The following SLC24A2 variants were observed in gnomAD, a reference collection of about 807,000 sequenced individuals.
SLC24A2 encodes solute carrier family 24 member 2, also known as sodium/potassium/calcium exchanger 2.
Under a neutral mutation model 62.0 loss-of-function variants are expected in SLC24A2, and 36 were observed. The ratio of observed to expected loss-of-function variants is 0.58; its 90% CI spans 0.44 to 0.77. SLC24A2 has a LOEUF of 0.77. Among genes scored for constraint, SLC24A2 ranks in the 30% least tolerant of loss-of-function variants. SLC24A2 has a pLI of 0.00. For synonymous variants in SLC24A2, 358 were observed against 294.0 expected, an observed-to-expected ratio of 1.22 and a Z score of -2.23; for missense variants, 846 against 817.9, an observed-to-expected ratio of 1.03 and a Z score of -0.42.
intron 2 of SLC24A2, among the ~76,000 whole-genome samples, chr9:19,709,520 G>T (rs529956117): frequency 6.6e-6 from 1 of 151,824 alleles, no homozygotes; most frequent in East Asian, 1.9e-4. Context: ...GTCCAACAAC[G>T]ATAGACTGGA....
chr9:19,528,915 G>A (rs1833558742), intron 8 of SLC24A2, among the ~76,000 whole-genome samples: 1 of 152,072 alleles, frequency 6.6e-6, no homozygotes, highest in Non-Finnish European at 1.5e-5. Context: ...GCTATCTCAG[G>A]CATAAAGTGT....
the SLC24A2 span, among the ~76,000 whole-genome samples, chr9:20,233,560 T>C: frequency 6.6e-6 from 1 of 152,210 alleles, no homozygotes; most frequent in Non-Finnish European, 1.5e-5. Flanking sequence ...CCTGCCTTTT[T>C]TTGTTTTCCG....
At chr9:19,805,512 G>T in the SLC24A2 span, among the ~76,000 whole-genome samples, 2 of 152,156 alleles carry the variant, frequency 1.3e-5, no homozygotes, top group South Asian at 2.1e-4. Context: ...GGTTGATTCT[G>T]TTGGACTATG....
At chr9:20,295,527 G>C in the SLC24A2 span, among the ~76,000 whole-genome samples, 619 of 152,324 alleles carry the variant, frequency 4.1e-3, 6 homozygotes, top group African/African-American at 0.014. Context: ...ATTAGTGTGT[G>C]AGTGTGAATG....
At chr9:20,196,784 T>C in the SLC24A2 span, among the ~76,000 whole-genome samples, 1 of 152,212 alleles carries the variant, frequency 6.6e-6, no homozygotes, top group African/African-American at 2.4e-5. Flanking sequence ...TGTGGAAAAG[T>C]TGAAAACATG....
the SLC24A2 span, among the ~76,000 whole-genome samples, chr9:19,966,258 TTCTC>T: frequency 2.0e-5 from 3 of 152,336 alleles, no homozygotes; most frequent in African/African-American, 4.8e-5. Flanking sequence ...AGCGTGGTAT[TTCTC>T]TCTACTTCCC....
chr9:19,788,249 C>A (rs970518688), intron 1 of SLC24A2, among the ~76,000 whole-genome samples: 1 of 152,196 alleles, frequency 6.6e-6, no homozygotes, highest in African/African-American at 2.4e-5. Context: ...CAGGTGGCTG[C>A]GAACGTCAAC....
chr9:19,861,037 C>A, the SLC24A2 span, among the ~76,000 whole-genome samples: 12 of 152,174 alleles, frequency 7.9e-5, no homozygotes, highest in Non-Finnish European at 1.8e-4. Context: ...GGAGATAGGC[C>A]TGGCTGGCTT....
the SLC24A2 span, among the ~76,000 whole-genome samples, chr9:20,008,574 T>C: frequency 6.6e-6 from 1 of 152,172 alleles, no homozygotes; most frequent in Non-Finnish European, 1.5e-5. Flanking sequence ...TTCTGCTTCC[T>C]GTACTGGTGC....
intron 4 of SLC24A2, among the ~76,000 whole-genome samples, chr9:19,614,566 T>A (rs975035826): frequency 6.6e-6 from 1 of 152,202 alleles, no homozygotes; most frequent in Non-Finnish European, 1.5e-5. Flanking sequence ...AAGTGAAGTC[T>A]AATTTTGTCC....
chr9:19,744,674 G>A (rs1218526283), intron 2 of SLC24A2, among the ~76,000 whole-genome samples: 3 of 152,180 alleles, frequency 2.0e-5, no homozygotes, highest in Non-Finnish European at 4.4e-5. Flanking sequence ...AGTTTTAAAT[G>A]TTGACTACAA....
At chr9:20,216,146 A>G in the SLC24A2 span, among the ~76,000 whole-genome samples, 7 of 152,188 alleles carry the variant, frequency 4.6e-5, no homozygotes, top group Non-Finnish European at 1.0e-4. Flanking sequence ...TTAGCTCCTG[A>G]TATCAACGGT....
At chr9:19,591,696 G>T (rs1421462823) in intron 5 of SLC24A2, among the ~76,000 whole-genome samples, 2 of 152,218 alleles carry the variant, frequency 1.3e-5, no homozygotes, top group Non-Finnish European at 2.9e-5. Context: ...CATATACGAG[G>T]GTGGTGGAGC....
intron 2 of SLC24A2, among the ~76,000 whole-genome samples, chr9:19,785,289 T>C (rs960251687): frequency 3.9e-5 from 6 of 152,210 alleles, no homozygotes; most frequent in East Asian, 1.9e-4. Flanking sequence ...ATGTTTATTA[T>C]GGTGTGCAAA....
chr9:20,195,570 A>G, the SLC24A2 span, among the ~76,000 whole-genome samples: 55 of 152,110 alleles, frequency 3.6e-4, no homozygotes, highest in Admixed American at 1.3e-3. Flanking sequence ...TCATATATAT[A>G]CTCAATACTA....
chr9:20,022,079 A>G, the SLC24A2 span, among the ~76,000 whole-genome samples: 2 of 152,164 alleles, frequency 1.3e-5, no homozygotes, highest in South Asian at 2.1e-4. Context: ...TCCTTCTTCA[A>G]TGTTAACTAC....
chr9:19,743,059 T>G (rs1015762142), intron 2 of SLC24A2, among the ~76,000 whole-genome samples: 1 of 152,192 alleles, frequency 6.6e-6, no homozygotes, highest in Non-Finnish European at 1.5e-5. Context: ...CTCTGATATT[T>G]CCCTAAGTCT....
At chr9:20,136,282 A>G in the SLC24A2 span, among the ~76,000 whole-genome samples, 1 of 152,308 alleles carries the variant, frequency 6.6e-6, no homozygotes, top group Non-Finnish European at 1.5e-5. Context: ...GTTGGGGAAC[A>G]GAGTGAATAG....
the SLC24A2 span, among the ~76,000 whole-genome samples, chr9:20,127,775 G>A: frequency 2.6e-5 from 4 of 152,044 alleles, no homozygotes; most frequent in South Asian, 2.1e-4. Flanking sequence ...TGGAGGGCAC[G>A]GAAGCAGCAA....
Sources: allele counts gnomAD v4.1 joint callset (sites outside exome capture counted in the v4.1 genomes callset), GRCh38; gene constraint gnomAD v4.1.1; transcripts MANE v1.5; gene names NCBI Gene and HGNC (gene_info 2026-07-23, HGNC 2026-07-21).